ROBO2: variants seen among roughly 807,000 people sequenced by gnomAD.
The protein encoded by ROBO2 is roundabout homolog 2.
Under a neutral mutation model 160.8 loss-of-function variants are expected in ROBO2, and 53 were observed. That is an observed-to-expected ratio of 0.33 (90% CI 0.26 to 0.41). The LOEUF is 0.41. Ranked by LOEUF, ROBO2 falls within the 10% of genes least tolerant of loss-of-function variation. The probability of loss-of-function intolerance (pLI) is 1.00; values close to 1 mark genes in which losing one functional copy is unlikely to be tolerated. For missense variants in ROBO2, 1,577 were observed against 1,722.4 expected, an observed-to-expected ratio of 0.92 and a Z score of 1.49; for synonymous variants, 664 against 611.7, an observed-to-expected ratio of 1.09 and a Z score of -1.26.
At chr3:77,322,228 G>A (rs1205070825) in intron 2 of ROBO2, among the ~76,000 whole-genome samples, 4 of 152,270 alleles carry the variant, frequency 2.6e-5, no homozygotes, top group South Asian at 4.1e-4. Context: ...ATGAAATGAT[G>A]TTTTTGTGCT....
chr3:77,362,954 G>A (rs59926836), intron 2 of ROBO2, among the ~76,000 whole-genome samples: 6,453 of 152,146 alleles, frequency 0.042, 418 homozygotes, highest in African/African-American at 0.14. Flanking sequence ...ACCTCCCACC[G>A]GGTCCCTCCC....
chr3:76,310,571 G>A (rs568782076), intron 2 of ROBO2, among the ~76,000 whole-genome samples: 1 of 152,248 alleles, frequency 6.6e-6, no homozygotes, highest in South Asian at 2.1e-4. Flanking sequence ...TGAATCATTA[G>A]TGCCGATGCA....
At chr3:76,599,493 A>C (rs191050013) in intron 2 of ROBO2, among the ~76,000 whole-genome samples, 12 of 152,286 alleles carry the variant, frequency 7.9e-5, no homozygotes, top group Non-Finnish European at 1.8e-4. Context: ...TATTGTGAAT[A>C]GTGCTGCAAT....
intron 2 of ROBO2, among the ~76,000 whole-genome samples, chr3:76,858,802 G>C (rs1217952692): frequency 6.6e-6 from 1 of 152,186 alleles, no homozygotes; most frequent in Non-Finnish European, 1.5e-5. Context: ...TCAGGTGTAG[G>C]GTGAGGAAGA....
At chr3:77,316,960 C>T (rs1387144426) in intron 2 of ROBO2, 5 of 1,387,202 alleles carry the variant, frequency 3.6e-6, no homozygotes, top group Non-Finnish European at 5.1e-6. Context: ...GCGCGTGTTA[C>T]TGTTTCCTGC....
intron 2 of ROBO2, among the ~76,000 whole-genome samples, chr3:76,834,483 A>G (rs891833772): frequency 6.6e-6 from 1 of 151,762 alleles, no homozygotes; most frequent in African/African-American, 2.4e-5. Flanking sequence ...AGTAATTCTC[A>G]TGCCTCAGCC....
intron 19 of ROBO2, among the ~76,000 whole-genome samples, chr3:77,599,226 C>T (rs2094380223): frequency 9.1e-6 from 1 of 110,144 alleles, no homozygotes; most frequent in Non-Finnish European, 2.0e-5. Flanking sequence ...ATTTTGCTTG[C>T]ATAGTAATAT....
intron 2 of ROBO2, among the ~76,000 whole-genome samples, chr3:76,756,107 A>C (rs2060952837): frequency 6.6e-6 from 1 of 151,856 alleles, no homozygotes; most frequent in African/African-American, 2.4e-5. Flanking sequence ...TTATATTATA[A>C]AAATATAAGT....
chr3:76,142,116 A>G (rs1156963240), intron 2 of ROBO2, among the ~76,000 whole-genome samples: 1 of 152,074 alleles, frequency 6.6e-6, no homozygotes, highest in Non-Finnish European at 1.5e-5. Context: ...AATAAGTTAT[A>G]GAATGTCCAA....
intron 2 of ROBO2, among the ~76,000 whole-genome samples, chr3:76,418,880 T>A (rs1245610919): frequency 1.3e-5 from 2 of 152,154 alleles, no homozygotes; most frequent in African/African-American, 2.4e-5. Flanking sequence ...TGAAAAAAAA[T>A]TAGTAAACTA....
chr3:76,148,974 C>T (rs1228807590), intron 2 of ROBO2, among the ~76,000 whole-genome samples: 1 of 152,076 alleles, frequency 6.6e-6, no homozygotes, highest in East Asian at 1.9e-4. Flanking sequence ...ATTTATCTCT[C>T]TCAGTCCTGA....
rs545247143 is a variant in ROBO2, at chr3:76,675,365, G to GA, written c.110-422643dup. Among the ~76,000 whole-genome samples the GA allele has an allele frequency of 5.1e-3, 775 of 152,262 alleles. 7 individuals carry two copies. Among genetic ancestry groups the GA allele is most frequent in the Non-Finnish European group, 9.4e-3 (641 of 68,028 alleles). ...TACTCGAAGCAATTTACATACTGCAGAAAAAATCTTACATTTCTCTAGAGT... is the reference window on the plus strand; with the variant it reads ...TACTCGAAGCAATTTACATACTGCAGAAAAAAATCTTACATTTCTCTAGAGT... On this transcript the variant is annotated intron_variant, in intron 2 of 26. Coordinates refer to the ROBO2 transcript ENST00000487694.
rs534554449 is a variant in ROBO2, at chr3:76,257,478, A to G, written c.109+319876A>G. Among the ~76,000 whole-genome samples the G allele has an allele frequency of 5.9e-5, 9 of 152,332 alleles. 2 individuals carry two copies. In the South Asian group the frequency reaches 1.9e-3, roughly 32 times the overall value. The stretch of plus-strand genomic sequence containing the variant: ...AAGAGAATGGCAGGCACATTATTAT[A>G]TGATGTTTACCTAATTGATTCTCCC... On this transcript the variant is annotated intron_variant, in intron 2 of 26. Transcript: ENST00000487694.
chr3:76,910,071 CT>C (rs1186571170), intron 2 of ROBO2, among the ~76,000 whole-genome samples: 1 of 152,134 alleles, frequency 6.6e-6, no homozygotes, highest in Admixed American at 6.5e-5. Context: ...CATGTAACTA[CT>C]GCTGCTGTTA....
chr3:76,434,059 A>G (rs1330235681), intron 2 of ROBO2: 5 of 1,306,616 alleles, frequency 3.8e-6, no homozygotes, highest in Non-Finnish European at 5.5e-6. Context: ...TGGAGAGGGC[A>G]GTGGGCCTCC....
At chr3:76,505,528 G>T (rs1203730801) in intron 2 of ROBO2, among the ~76,000 whole-genome samples, 1 of 152,146 alleles carries the variant, frequency 6.6e-6, no homozygotes, top group East Asian at 1.9e-4. Flanking sequence ...TACTGCGGTA[G>T]GGTGGACCCT....
At chr3:77,134,597 C>CCAAA (rs1352038416) in intron 2 of ROBO2, among the ~76,000 whole-genome samples, 1 of 152,148 alleles carries the variant, frequency 6.6e-6, no homozygotes, top group Non-Finnish European at 1.5e-5. Flanking sequence ...AAACCAACAG[C>CCAAA]TCTGCCGTGA....
chr3:77,191,644 T>C (rs1306798764), intron 2 of ROBO2, among the ~76,000 whole-genome samples: 2 of 152,198 alleles, frequency 1.3e-5, no homozygotes, highest in Non-Finnish European at 2.9e-5. Context: ...GATTTAGTTG[T>C]TAATTAGACT....
chr3:76,848,460 A>G (rs2068989596), intron 2 of ROBO2, among the ~76,000 whole-genome samples: 1 of 152,220 alleles, frequency 6.6e-6, no homozygotes, highest in Non-Finnish European at 1.5e-5. Context: ...CACTTGGCTG[A>G]GAAAGCACAG....
Sources: gnomAD v4.1 joint callset for allele counts (sites outside exome capture counted in the v4.1 genomes callset) on GRCh38, gnomAD v4.1.1 for gene constraint, MANE v1.5 for transcripts, NCBI Gene and HGNC (gene_info 2026-07-23, HGNC 2026-07-21) for gene names.